CASP4: variants seen among roughly 807,000 people sequenced by gnomAD.
CASP4 encodes the protein caspase 4.
CASP4 carries 29 observed loss-of-function variants against 41.3 expected under a neutral mutation model. That is an observed-to-expected ratio of 0.70 (90% confidence interval 0.52 to 0.96). CASP4 has a LOEUF of 0.96. Among genes scored for constraint, CASP4 ranks in the 40% least tolerant of loss-of-function variants. The pLI is 0.00. For synonymous variants in CASP4, 185 were observed against 158.4 expected (o/e 1.17, Z -1.26); for missense variants, 447 against 460.6 (o/e 0.97, Z 0.27).
At chr11:104,949,863 C>T (rs1274551079) in intron 4 of CASP4, 86 bp from the exon 5 acceptor site, 35 of 1,238,854 alleles carry the variant, frequency 2.8e-5, no homozygotes, top group Non-Finnish European at 4.1e-5. Flanking sequence ...AAACAAGAAA[C>T]ATATGTAACA....
intron 7 of CASP4, 123 bp from the exon 8 acceptor site, chr11:104,944,974 C>G (rs1412754551): frequency 1.5e-6 from 1 of 684,256 alleles, no homozygotes; most frequent in Non-Finnish European, 2.6e-6. Flanking sequence ...GAACCAAGCC[C>G]ATGGGCATTC....
chr11:104,952,119 T>G (rs1379968956), intron 2 of CASP4, 114 bp from the exon 3 acceptor site: 1 of 645,050 alleles, frequency 1.6e-6, no homozygotes, highest in Admixed American at 2.5e-5. Flanking sequence ...TATAGGGGTT[T>G]TAGTTGTATC....
At chr11:104,966,772 T>C (rs935197989) in intron 1 of CASP4, among the ~76,000 whole-genome samples, 1 of 152,146 alleles carries the variant, frequency 6.6e-6, no homozygotes, top group East Asian at 1.9e-4. Flanking sequence ...GAAAGTTAGA[T>C]TAATGGCAGA....
intron 1 of CASP4, among the ~76,000 whole-genome samples, chr11:104,966,534 A>C (rs890763890): frequency 1.3e-5 from 2 of 152,194 alleles, no homozygotes; most frequent in Non-Finnish European, 2.9e-5. Flanking sequence ...CTGTCCAGAG[A>C]AGGGAGGGCT....
chr11:104,944,526 C>T (rs1860405717), intron 8 of CASP4: 2 of 464,356 alleles, frequency 4.3e-6, no homozygotes, highest in Non-Finnish European at 3.9e-6. Flanking sequence ...TGCGGTTTTC[C>T]TTACCTCCTT....
At chr11:104,957,049 T>G (rs950989642) in intron 1 of CASP4, among the ~76,000 whole-genome samples, 13 of 152,106 alleles carry the variant, frequency 8.5e-5, no homozygotes, top group Non-Finnish European at 2.9e-5. Flanking sequence ...AACGTAGTTC[T>G]GACCAGAGCA....
intron 2 of CASP4, 71 bp from the exon 3 acceptor site, chr11:104,952,076 A>C: frequency 2.2e-6 from 2 of 900,378 alleles, no homozygotes; most frequent in Admixed American, 3.5e-5. Flanking sequence ...AAGAAGATCG[A>C]GAGAGAAGAC....
At chr11:104,956,463 G>GAAAATGGA (rs1327349124) in intron 1 of CASP4, 1 of 167,728 alleles carries the variant, frequency 6.0e-6, no homozygotes, top group African/African-American at 2.4e-5. Flanking sequence ...CTCTTATATG[G>GAAAATGGA]AAAATGGAAG....
At chr11:104,944,466 G>A in intron 8 of CASP4, 1 of 336,780 alleles carries the variant, frequency 3.0e-6, no homozygotes, top group South Asian at 3.6e-5. Context: ...GCATGAGCAT[G>A]TTTCTATTTT....
intron 2 of CASP4, among the ~76,000 whole-genome samples, chr11:104,953,106 CT>C (rs2065942611): frequency 6.6e-6 from 1 of 152,122 alleles, no homozygotes; most frequent in Admixed American, 6.6e-5. Flanking sequence ...GAATTTCTAT[CT>C]TACATCCAAT....
intron 5 of CASP4, 51 bp downstream of exon 5, chr11:104,949,492 A>G (rs560386687): frequency 3.9e-5 from 61 of 1,577,728 alleles, no homozygotes; most frequent in Non-Finnish European, 5.1e-5. Flanking sequence ...AAACATCACA[A>G]TCCTCTGCAT....
chr11:104,958,507 A>G (rs556748288), intron 1 of CASP4, among the ~76,000 whole-genome samples: 2 of 152,324 alleles, frequency 1.3e-5, no homozygotes, highest in South Asian at 4.1e-4. Context: ...TACAGAGAAT[A>G]TGTATATGAA....
chr11:104,955,872 T>G (rs1175215807), intron 1 of CASP4, among the ~76,000 whole-genome samples: 3 of 152,096 alleles, frequency 2.0e-5, no homozygotes, highest in Admixed American at 6.6e-5. Context: ...ATACAATCCA[T>G]GTAGATGTAA....
At chr11:104,948,404 A>C (rs1486840198) in intron 6 of CASP4, 129 bp downstream of exon 6, 12 of 918,522 alleles carry the variant, frequency 1.3e-5, no homozygotes, top group Non-Finnish European at 1.7e-5. Context: ...ACATAAGATC[A>C]TGTAAAATAT....
intron 5 of CASP4, chr11:104,948,932 T>G: frequency 3.6e-6 from 1 of 279,600 alleles, no homozygotes; most frequent in Non-Finnish European, 6.7e-6. Context: ...ATCTGTTTTC[T>G]TTTGAAAAAT....
intron 2 of CASP4, among the ~76,000 whole-genome samples, chr11:104,954,176 G>A (rs955943623): frequency 4.6e-5 from 7 of 152,126 alleles, no homozygotes; most frequent in Non-Finnish European, 1.0e-4. Flanking sequence ...GGGGAACAAA[G>A]TGTATATTTT....
At chr11:104,956,537 A>C (rs1860741709) in intron 1 of CASP4, 1 of 397,010 alleles carries the variant, frequency 2.5e-6, no homozygotes, top group Admixed American at 6.4e-5. Flanking sequence ...GGGAACAAGA[A>C]TTGAAATCTA....
chr11:104,943,687 C>A (rs1190922815), intron 8 of CASP4: 2 of 152,144 alleles, frequency 1.3e-5, no homozygotes, highest in Non-Finnish European at 2.9e-5. Context: ...ATATTCCAAG[C>A]ATCTAGAACA....
At chr11:104,946,338 A>G (rs896078906) in intron 7 of CASP4, among the ~76,000 whole-genome samples, 1 of 152,200 alleles carries the variant, frequency 6.6e-6, no homozygotes, top group African/African-American at 2.4e-5. Context: ...TTATTAATTG[A>G]ATATCTGCTA....
Sources: gnomAD v4.1 joint callset for allele counts (sites outside exome capture counted in the v4.1 genomes callset) on GRCh38, gnomAD v4.1.1 for gene constraint, MANE v1.5 for transcripts, NCBI Gene and HGNC (gene_info 2026-07-23, HGNC 2026-07-21) for gene names.